GRIK1: variants seen among roughly 807,000 people sequenced by gnomAD.
GRIK1 encodes glutamate ionotropic receptor kainate type subunit 1.
A neutral mutation model predicts 105.7 loss-of-function variants in GRIK1; 69 were observed. That is an observed-to-expected ratio of 0.65 (90% CI 0.54 to 0.80). GRIK1 has a LOEUF of 0.80. GRIK1 is among the 30% of genes least tolerant of loss of function. GRIK1 has a pLI of 0.00. For missense variants in GRIK1, 1,109 were observed against 1,167.3 expected, an observed-to-expected ratio of 0.95 and a Z score of 0.73; for synonymous variants, 438 against 431.3, an observed-to-expected ratio of 1.02 and a Z score of -0.19.
intron 15 of GRIK1, among the ~76,000 whole-genome samples, chr21:29,555,558 A>G (rs2090230943): frequency 6.6e-6 from 1 of 152,206 alleles, no homozygotes; most frequent in Admixed American, 6.5e-5. Flanking sequence ...AAGCAAAGCT[A>G]GGAATTCTAT....
At chr21:29,669,550 A>G (rs2063124954) in intron 4 of GRIK1, among the ~76,000 whole-genome samples, 1 of 152,208 alleles carries the variant, frequency 6.6e-6, no homozygotes, top group Non-Finnish European at 1.5e-5. Context: ...TAAAGTGAGC[A>G]CACAGGCTCT....
chr21:29,739,667 A>C (rs1040668139), intron 1 of GRIK1, among the ~76,000 whole-genome samples: 1 of 152,244 alleles, frequency 6.6e-6, no homozygotes, highest in Non-Finnish European at 1.5e-5. Flanking sequence ...AATTTTGAAC[A>C]ATATGTAAAC....
At chr21:29,694,869 T>C (rs921966196) in intron 1 of GRIK1, among the ~76,000 whole-genome samples, 2 of 152,348 alleles carry the variant, frequency 1.3e-5, no homozygotes, top group Admixed American at 1.3e-4. Flanking sequence ...AAGATAAAAA[T>C]GTCCTTTTTT....
intron 15 of GRIK1, among the ~76,000 whole-genome samples, chr21:29,556,334 C>T (rs2090255518): frequency 6.6e-6 from 1 of 152,108 alleles, no homozygotes; most frequent in Non-Finnish European, 1.5e-5. Context: ...TTCAAAGTGC[C>T]TGTCTTTGAT....
At chr21:29,790,246 A>G (rs951374185) in intron 1 of GRIK1, among the ~76,000 whole-genome samples, 6 of 152,066 alleles carry the variant, frequency 3.9e-5, no homozygotes, top group African/African-American at 1.4e-4. Context: ...ACGGGGTTTC[A>G]CCATGTTGGC....
rs528404872 is a variant in GRIK1 at position 29,707,641 on chromosome 21, G to A, written c.119-13578C>T. On this transcript the variant is annotated intron_variant, in intron 1 of 17. Coordinates refer to ENST00000327783, the MANE Select transcript of GRIK1 (RefSeq NM_001330994.2). ...CTCCCGAGTAGTTGGGCCTACAGGC[G>A]TTCGCCACCACACCCAGCTAATTTT... is the stretch of plus-strand genomic sequence containing the variant. 5.7e-3 allele frequency among the ~76,000 whole-genome samples: 870 copies of A among 151,798 alleles called. 14 individuals are homozygous for A. The highest frequency in any genetic ancestry group is 0.02 in the African/African-American group (816 of 41,336).
At chr21:29,718,889 A>C (rs1455638799) in intron 1 of GRIK1, among the ~76,000 whole-genome samples, 1 of 152,154 alleles carries the variant, frequency 6.6e-6, no homozygotes, top group Non-Finnish European at 1.5e-5. Context: ...TAGTGTTCTG[A>C]AGGGAGAAGT....
At chr21:29,848,755 G>GTGTATATATATATATATATATA (rs773386863) in intron 1 of GRIK1, among the ~76,000 whole-genome samples, 2 of 91,248 alleles carry the variant, frequency 2.2e-5, no homozygotes, top group African/African-American at 4.5e-5. Flanking sequence ...AGTTGTGTGT[G>GTGTATATATATATATATATATA]TATATATATA....
intron 1 of GRIK1, among the ~76,000 whole-genome samples, chr21:29,848,017 T>C (rs118731): frequency 0.53 from 80,636 of 151,870 alleles, 25,804 homozygotes; most frequent in Non-Finnish European, 0.71. Context: ...GTAGCATTTA[T>C]ACTCTCTCAG....
intron 1 of GRIK1, among the ~76,000 whole-genome samples, chr21:29,824,470 A>AG (rs2067391427): frequency 6.6e-6 from 1 of 152,054 alleles, no homozygotes; most frequent in Non-Finnish European, 1.5e-5. Flanking sequence ...GATGGTGATA[A>AG]GGACGAAAAG....
intron 15 of GRIK1, among the ~76,000 whole-genome samples, chr21:29,556,513 GT>G (rs2090260156): frequency 6.6e-6 from 1 of 152,054 alleles, no homozygotes; most frequent in African/African-American, 2.4e-5. Flanking sequence ...TAGGCTCTTT[GT>G]TGTCTCATAT....
chr21:29,829,979 A>G (rs1186288247), intron 1 of GRIK1, among the ~76,000 whole-genome samples: 2 of 152,172 alleles, frequency 1.3e-5, no homozygotes, highest in Admixed American at 1.3e-4. Context: ...TTGTCAAAAT[A>G]GTCATTGTTT....
intron 1 of GRIK1, among the ~76,000 whole-genome samples, chr21:29,716,914 T>C (rs1328664818): frequency 6.6e-6 from 1 of 152,216 alleles, no homozygotes; most frequent in Non-Finnish European, 1.5e-5. Context: ...ATCATAGGCC[T>C]GGAGGCCTAG....
intron 14 of GRIK1, among the ~76,000 whole-genome samples, chr21:29,564,588 T>G (rs1016701295): frequency 6.6e-6 from 1 of 152,170 alleles, no homozygotes; most frequent in African/African-American, 2.4e-5. Context: ...TCATTTCATC[T>G]GGGGAATTGA....
chr21:29,867,583 G>A (rs2068841345), intron 1 of GRIK1, among the ~76,000 whole-genome samples: 1 of 151,858 alleles, frequency 6.6e-6, no homozygotes. Context: ...TCACCTGAGG[G>A]CGGGAGTTCA....
intron 1 of GRIK1, among the ~76,000 whole-genome samples, chr21:29,715,602 C>T (rs575187031): frequency 9.0e-4 from 136 of 151,306 alleles, no homozygotes; most frequent in African/African-American, 2.9e-3. Flanking sequence ...CTAATGCTGA[C>T]CCTACCAAGA....
At chr21:29,756,423 C>T (rs113177041) in intron 1 of GRIK1, among the ~76,000 whole-genome samples, 6,441 of 152,178 alleles carry the variant, frequency 0.042, 197 homozygotes, top group Non-Finnish European at 0.065. Flanking sequence ...GCGCCCAGCA[C>T]GGTCAGCTAA....
intron 1 of GRIK1, among the ~76,000 whole-genome samples, chr21:29,879,971 C>T (rs554018585): frequency 1.5e-4 from 23 of 152,226 alleles, no homozygotes; most frequent in Admixed American, 3.3e-4. Context: ...AAAGAGTTTA[C>T]ATATGCAATT....
At chr21:29,681,585 C>T (rs976591447) in intron 3 of GRIK1, among the ~76,000 whole-genome samples, 1 of 152,204 alleles carries the variant, frequency 6.6e-6, no homozygotes, top group African/African-American at 2.4e-5. Flanking sequence ...GTGACATGAC[C>T]TTTAATTCTG....
Sources: gnomAD v4.1 joint callset for allele counts (sites outside exome capture counted in the v4.1 genomes callset) on GRCh38, gnomAD v4.1.1 for gene constraint, MANE v1.5 for transcripts, NCBI Gene and HGNC (gene_info 2026-07-23, HGNC 2026-07-21) for gene names.